DLGAP2: variants seen among roughly 807,000 people sequenced by gnomAD.
DLGAP2 encodes disks large-associated protein 2.
DLGAP2 carries 26 observed loss-of-function variants against 100.3 expected under a neutral mutation model. The ratio of observed to expected loss-of-function variants is 0.26; its 90% CI spans 0.19 to 0.36. The LOEUF (loss-of-function observed/expected upper bound fraction) is 0.36, where lower values mean the gene tolerates loss of function less well. DLGAP2 is among the 10% of genes least tolerant of loss of function. DLGAP2 has a pLI of 1.00. For synonymous variants in DLGAP2, 886 were observed against 630.1 expected (o/e 1.41, Z -6.08); for missense variants, 1,858 against 1,453.2 (o/e 1.28, Z -4.53).
At chr8:1,245,899 T>C (rs548316581) in intron 2 of DLGAP2, among the ~76,000 whole-genome samples, 2 of 152,232 alleles carry the variant, frequency 1.3e-5, no homozygotes, top group East Asian at 3.9e-4. Flanking sequence ...GGGTGGGTGG[T>C]CCCAGTATGA....
chr8:1,189,014 A>G (rs1222086568), intron 2 of DLGAP2, among the ~76,000 whole-genome samples: 5 of 150,498 alleles, frequency 3.3e-5, no homozygotes, highest in Non-Finnish European at 7.4e-5. Flanking sequence ...TTGACCTTAC[A>G]CAGGGTTCGG....
intron 1 of DLGAP2, among the ~76,000 whole-genome samples, chr8:871,004 T>A (rs1297890415): frequency 1.3e-5 from 2 of 152,180 alleles, no homozygotes; most frequent in African/African-American, 4.8e-5. Context: ...CTTCCCCTGG[T>A]TCTTCAGAAT....
At chr8:1,195,756 A>C (rs191171244) in intron 2 of DLGAP2, among the ~76,000 whole-genome samples, 89 of 152,334 alleles carry the variant, frequency 5.8e-4, no homozygotes, top group African/African-American at 1.9e-3. Flanking sequence ...TAATCGCATC[A>C]CCATCGTTGC....
At chr8:1,293,423 C>G (rs575457901) in intron 3 of DLGAP2, among the ~76,000 whole-genome samples, 12 of 152,174 alleles carry the variant, frequency 7.9e-5, no homozygotes, top group Non-Finnish European at 1.6e-4. Context: ...GCTGGGCTCC[C>G]GGACAGCTGA....
intron 6 of DLGAP2, among the ~76,000 whole-genome samples, chr8:1,571,125 GA>G (rs1259501385): frequency 8.2e-6 from 1 of 121,528 alleles, no homozygotes; most frequent in African/African-American, 3.6e-5. Context: ...ATGGAGAGGA[GA>G]AAGGGGTGAA....
intron 2 of DLGAP2, among the ~76,000 whole-genome samples, chr8:1,054,135 A>G (rs1351665247): frequency 6.6e-6 from 1 of 152,124 alleles, no homozygotes; most frequent in African/African-American, 2.4e-5. Flanking sequence ...GAAGCTTCCT[A>G]TAGATTTTTC....
At chr8:1,391,876 C>A (rs961775227) in intron 3 of DLGAP2, among the ~76,000 whole-genome samples, 1 of 152,228 alleles carries the variant, frequency 6.6e-6, no homozygotes, top group Admixed American at 6.5e-5. Context: ...GTCTTCCCCT[C>A]CTGAACGCTT....
intron 2 of DLGAP2, among the ~76,000 whole-genome samples, chr8:1,182,946 G>A (rs1219675479): frequency 6.6e-6 from 1 of 152,250 alleles, no homozygotes; most frequent in Middle Eastern, 3.4e-3. Flanking sequence ...GGTGGGAGAC[G>A]CGCACCATGG....
At chr8:1,070,545 G>T (rs1190142809) in intron 2 of DLGAP2, among the ~76,000 whole-genome samples, 1 of 152,160 alleles carries the variant, frequency 6.6e-6, no homozygotes, top group African/African-American at 2.4e-5. Context: ...CAGGTGAGGG[G>T]CGATTTCGGC....
chr8:940,325 T>G (rs1256664545), intron 2 of DLGAP2, among the ~76,000 whole-genome samples: 1 of 151,436 alleles, frequency 6.6e-6, no homozygotes, highest in Non-Finnish European at 1.5e-5. Context: ...GGTGGTCCTG[T>G]GAGGTTGACA....
At chr8:1,437,081 C>CATGCAG in intron 3 of DLGAP2, among the ~76,000 whole-genome samples, 1 of 151,728 alleles carries the variant, frequency 6.6e-6, no homozygotes, top group East Asian at 1.9e-4. Context: ...TCAGCCCAGG[C>CATGCAG]GCGTAGGGGT....
intron 2 of DLGAP2, among the ~76,000 whole-genome samples, chr8:1,158,306 T>C (rs1796828640): frequency 6.6e-6 from 1 of 152,244 alleles, no homozygotes; most frequent in Non-Finnish European, 1.5e-5. Flanking sequence ...CAGACGTCAT[T>C]ATGTGCGTAC....
At chr8:782,364 C>A (rs1821715528) in intron 1 of DLGAP2, among the ~76,000 whole-genome samples, 1 of 152,024 alleles carries the variant, frequency 6.6e-6, no homozygotes, top group South Asian at 2.1e-4. Context: ...AAACTTAAGA[C>A]TGTCTCTGGA....
chr8:1,417,329 A>G lies in DLGAP2; in HGVS notation c.107-84037A>G, dbSNP rs181813158. 1.8e-3 allele frequency among the ~76,000 whole-genome samples: 281 copies of G among 151,950 alleles called. 1 individual carries two copies. The highest frequency in any genetic ancestry group is 6.4e-3 in the African/African-American group (263 of 41,242). On this transcript the variant is annotated intron_variant, in intron 3 of 14. Coordinates refer to ENST00000637795, the MANE Select transcript of DLGAP2 (RefSeq NM_001346810.2). ...CTGCGGGGTGCCCAGGTTCGACAGC[A>G]TCTCACCGCATGTTCATAGAAGCCC... is the stretch of plus-strand genomic sequence containing the variant.
At chr8:1,432,566 T>A (rs1466262801) in intron 3 of DLGAP2, among the ~76,000 whole-genome samples, 2 of 152,232 alleles carry the variant, frequency 1.3e-5, no homozygotes, top group Admixed American at 6.5e-5. Flanking sequence ...GTGTGGAATT[T>A]ATGAAACTTT....
In DLGAP2 at chr8:1,349,115, G is replaced by A. The variant is rs138506328; in HGVS notation, c.106+90232G>A. On this transcript the variant is annotated intron_variant, in intron 3 of 14. Transcript: ENST00000637795. ...CTCAGAGAGTGCTGCCGTTTTTAAG[G>A]GGCCAGCAAGCCCATCAGGTCTCTT... Among the ~76,000 whole-genome samples the A allele has an allele frequency of 6.6e-5, 10 of 151,104 alleles. No homozygotes were observed. In the East Asian group the frequency reaches 1.8e-3, roughly 27 times the overall value.
At chr8:1,345,773 T>C (rs1801540503) in intron 3 of DLGAP2, among the ~76,000 whole-genome samples, 1 of 152,236 alleles carries the variant, frequency 6.6e-6, no homozygotes, top group Admixed American at 6.5e-5. Flanking sequence ...CTAGGCTTTT[T>C]TTCTTTGATC....
At chr8:1,040,608 C>A (rs542963454) in intron 2 of DLGAP2, among the ~76,000 whole-genome samples, 1 of 145,050 alleles carries the variant, frequency 6.9e-6, no homozygotes, top group African/African-American at 2.6e-5. Context: ...GTGGTCAGCT[C>A]GGTGTGCGTG....
At chr8:1,624,193 G>A (rs1490019136) in intron 6 of DLGAP2, among the ~76,000 whole-genome samples, 2 of 152,222 alleles carry the variant, frequency 1.3e-5, no homozygotes, top group Non-Finnish European at 2.9e-5. Context: ...TAATCAGAAG[G>A]AACGGCTGTT....
Sources: allele counts gnomAD v4.1 joint callset (sites outside exome capture counted in the v4.1 genomes callset), GRCh38; gene constraint gnomAD v4.1.1; transcripts MANE v1.5; gene names NCBI Gene and HGNC (gene_info 2026-07-23, HGNC 2026-07-21).